The following ETV1 variants were observed in gnomAD, a reference collection of about 807,000 sequenced individuals.
ETV1 encodes the protein ETS variant transcription factor 1.
In ETV1, 27 loss-of-function variants were observed where a neutral mutation model predicts 62.3. The observed-to-expected ratio is 0.43, with a 90% CI of 0.32 to 0.60. The LOEUF is 0.60. ETV1 is among the 20% of genes least tolerant of loss of function. The probability of loss-of-function intolerance (pLI) is 0.06; values close to 1 mark genes in which losing one functional copy is unlikely to be tolerated. For missense variants in ETV1, 605 were observed against 605.8 expected, an observed-to-expected ratio of 1.00 and a Z score of 0.01; for synonymous variants, 222 against 199.6, an observed-to-expected ratio of 1.11 and a Z score of -0.94.
At chr7:13,931,446 T>A (rs2128450169) in intron 9 of ETV1, 56 bp downstream of exon 9, 4 of 1,604,952 alleles carry the variant, frequency 2.5e-6, no homozygotes, top group Middle Eastern at 1.9e-4. Context: ...CTAACCAATG[T>A]GACAAGGGAG....
At chr7:13,915,764 T>A (rs1173510141) in intron 9 of ETV1, among the ~76,000 whole-genome samples, 1 of 152,180 alleles carries the variant, frequency 6.6e-6, no homozygotes, top group African/African-American at 2.4e-5. Flanking sequence ...ATAATTTTTT[T>A]TTTTTTACTT....
At chr7:13,986,205 T>C in intron 5 of ETV1, 1 of 1,574,166 alleles carries the variant, frequency 6.4e-7, no homozygotes, top group Non-Finnish European at 8.6e-7. Context: ...GAGAAACTAA[T>C]TTCTGCCATC....
At chr7:13,937,977 C>T (rs968807942) in intron 7 of ETV1, among the ~76,000 whole-genome samples, 3 of 152,148 alleles carry the variant, frequency 2.0e-5, no homozygotes, top group African/African-American at 7.2e-5. Context: ...TGGAGTCTCG[C>T]TCTTGTTGCC....
chr7:13,942,758 G>A (rs1226291700), intron 6 of ETV1, among the ~76,000 whole-genome samples: 1 of 152,168 alleles, frequency 6.6e-6, no homozygotes, highest in African/African-American at 2.4e-5. Flanking sequence ...TTATACTTGA[G>A]AGATTAGATC....
In ETV1 at chr7:13,935,846, G is replaced by T. The variant is rs771826241; in HGVS notation, c.416C>A (p.Thr139Lys). 2 of 1,613,962 alleles carry T rather than the reference G, an allele frequency of 1.2e-6. No homozygotes were observed. Among genetic ancestry groups the T allele is most frequent in the Admixed American group, 1.7e-5 (1 of 60,016 alleles). The change falls in exon 8 of 14, where the codon ACA becomes AAA. Residue 139 changes from threonine (T) to lysine (K), a missense_variant. Physicochemically the swap from Thr to Lys is moderately conservative, Grantham distance 78. Coordinates refer to ENST00000430479, the MANE Select transcript of ETV1 (RefSeq NM_004956.5). ...QVGMRPSNPP[T>K]PSSTPVSPLH... ...TGGGGACACTGGCGTGCTGGATGGT[G>T]TGGGGGGGTTGGAGGGCCTCATTCC...
intron 5 of ETV1, among the ~76,000 whole-genome samples, chr7:13,980,879 A>T (rs1261549859): frequency 6.6e-6 from 1 of 152,138 alleles, no homozygotes; most frequent in Non-Finnish European, 1.5e-5. Flanking sequence ...AAACTCACCA[A>T]TTCTCCTTTT....
chr7:13,981,456 C>T (rs1398010737), intron 5 of ETV1, among the ~76,000 whole-genome samples: 1 of 151,946 alleles, frequency 6.6e-6, no homozygotes, highest in East Asian at 1.9e-4. Context: ...TCTCAGAGCT[C>T]AGATCCATTA....
rs548487606 is a variant in ETV1 at position 13,942,346 on chromosome 7, C to T, written c.236-3100G>A. 1.2e-4 allele frequency among the ~76,000 whole-genome samples: 17 copies of T among 136,378 alleles called. 1 individual carries two copies. The highest frequency in any genetic ancestry group is 2.4e-4 in the South Asian group (1 of 4,092). The allele number at this position is 136,378 out of a possible 152,430, so 89.5% of individuals were successfully genotyped here. A position where few individuals can be genotyped will look rare whatever the true frequency, so the allele number is the denominator to read the frequency against. On this transcript the variant is annotated intron_variant, in intron 6 of 13. Transcript: ENST00000430479. ...CCTCTTTTTTTAAACAAGTGGTTTT[C>T]GATTATTTATTACATCTTTGAACAT...
chr7:13,932,060 ACAC>A (rs1786250507), intron 8 of ETV1, among the ~76,000 whole-genome samples: 1 of 151,870 alleles, frequency 6.6e-6, no homozygotes, highest in African/African-American at 2.4e-5. Context: ...ACACACACAC[ACAC>A]ACACACAACG....
chr7:13,914,537 C>T (rs1304235307), intron 9 of ETV1, among the ~76,000 whole-genome samples: 2 of 151,188 alleles, frequency 1.3e-5, no homozygotes, highest in African/African-American at 4.9e-5. Context: ...ACTAACACCC[C>T]AAACTATCTA....
At chr7:13,931,041 C>G (rs1177349007) in intron 9 of ETV1, among the ~76,000 whole-genome samples, 3 of 152,054 alleles carry the variant, frequency 2.0e-5, no homozygotes, top group African/African-American at 7.2e-5. Flanking sequence ...CTCAGCCTCC[C>G]AAAGTGCTGG....
intron 6 of ETV1, among the ~76,000 whole-genome samples, chr7:13,969,061 C>T (rs1398247307): frequency 6.6e-6 from 1 of 152,130 alleles, no homozygotes; most frequent in Non-Finnish European, 1.5e-5. Context: ...AGACATGGAA[C>T]ACATCTGCAC....
intron 6 of ETV1, among the ~76,000 whole-genome samples, chr7:13,970,263 AACACACACACACACAC>A (rs71033966): frequency 0.029 from 3,616 of 126,564 alleles, 81 homozygotes; most frequent in African/African-American, 0.032. Flanking sequence ...CCCATCTCAA[AACACACACACACACAC>A]ACACACACAC....
chr7:13,930,593 T>C (rs1785986940), intron 9 of ETV1, among the ~76,000 whole-genome samples: 2 of 151,972 alleles, frequency 1.3e-5, no homozygotes, highest in East Asian at 1.9e-4. Flanking sequence ...AGTGCTGGGA[T>C]TACAGGCGTG....
intron 10 of ETV1, 98 bp from the exon 11 acceptor site, chr7:13,909,798 A>G: frequency 9.7e-7 from 1 of 1,028,540 alleles, no homozygotes; most frequent in East Asian, 2.4e-5. Context: ...ATAGAAAATG[A>G]CTCTGCCACC....
chr7:13,948,359 G>T (rs1413722810), intron 6 of ETV1, among the ~76,000 whole-genome samples: 2 of 152,184 alleles, frequency 1.3e-5, no homozygotes, highest in African/African-American at 4.8e-5. Context: ...ATTACCCTGG[G>T]AAGAGAAACA....
chr7:13,948,087 T>C (rs1013655832), intron 6 of ETV1, among the ~76,000 whole-genome samples: 2 of 152,222 alleles, frequency 1.3e-5, no homozygotes, highest in African/African-American at 4.8e-5. Context: ...CTTCTTTCAA[T>C]TTATTACTGT....
chr7:13,901,743 T>C (rs979057593), intron 12 of ETV1, among the ~76,000 whole-genome samples: 1 of 152,134 alleles, frequency 6.6e-6, no homozygotes, highest in Non-Finnish European at 1.5e-5. Context: ...ACTGAAGAAT[T>C]AAGCATTCAT....
At chr7:13,922,821 GGATAATATTTTTGGT>G (rs1159319723) in intron 9 of ETV1, among the ~76,000 whole-genome samples, 3 of 152,048 alleles carry the variant, frequency 2.0e-5, no homozygotes, top group African/African-American at 7.2e-5. Flanking sequence ...TCTGTTTCCT[GGATAATATTTTTGGT>G]TGCTTATGTG....
Sources: gnomAD v4.1 joint callset for allele counts (sites outside exome capture counted in the v4.1 genomes callset) on GRCh38, gnomAD v4.1.1 for gene constraint, MANE v1.5 for transcripts, NCBI Gene and HGNC (gene_info 2026-07-23, HGNC 2026-07-21) for gene names.